SBNO1: variants seen among roughly 807,000 people sequenced by gnomAD.
SBNO1 encodes the protein protein strawberry notch homolog 1.
SBNO1 carries 23 observed loss-of-function variants against 173.6 expected under a neutral mutation model. The ratio of observed to expected loss-of-function variants is 0.13; its 90% CI spans 0.10 to 0.19. The LOEUF (loss-of-function observed/expected upper bound fraction) is 0.19, where lower values mean the gene tolerates loss of function less well. Ranked by LOEUF, SBNO1 falls within the 10% of genes least tolerant of loss-of-function variation. The pLI, the probability that SBNO1 is intolerant of heterozygous loss-of-function variation, is 1.00. For missense variants in SBNO1, 1,238 were observed against 1,671.2 expected (o/e 0.74, Z 4.52); for synonymous variants, 632 against 571.5 (o/e 1.11, Z -1.51).
At chr12:123,363,854 C>T (rs1330090844) in intron 1 of SBNO1, 1 of 985,554 alleles carries the variant, frequency 1.0e-6, no homozygotes, top group East Asian at 1.1e-4. Context: ...AGGGGAGGAG[C>T]TGGATGCCAG....
Position 123,320,685 on chromosome 12 carries a change from T to G in SBNO1, c.2491+14A>C. On this transcript the variant is annotated intron_variant, in intron 18 of 31. Coordinates refer to ENST00000602398, the MANE Select transcript of SBNO1 (RefSeq NM_001167856.3). ...TAAAACAGTATTTCAAAAAGGAAGT[T>G]TCTGTATGGATACCTGGTGTACTGT... The G allele has an allele frequency of 6.3e-7, 1 of 1,595,798 alleles. No homozygotes were observed. The highest frequency in any genetic ancestry group is 8.5e-7 in the Non-Finnish European group (1 of 1,173,492).
chr12:123,359,006 C>T (rs1874800922), intron 1 of SBNO1, among the ~76,000 whole-genome samples: 1 of 151,606 alleles, frequency 6.6e-6, no homozygotes, highest in African/African-American at 2.4e-5. Flanking sequence ...GATCTTGGCT[C>T]ACTGGAAGCT....
intron 21 of SBNO1, among the ~76,000 whole-genome samples, chr12:123,316,518 C>T (rs1172579397): frequency 1.3e-5 from 2 of 151,302 alleles, no homozygotes; most frequent in African/African-American, 4.9e-5. Flanking sequence ...GCCGCTGCGC[C>T]CAGCCTGTTT....
rs1384654598 is a variant in SBNO1 at position 123,290,464 on chromosome 12, GC to G, written c.*5443del. On this transcript the variant is annotated 3_prime_UTR_variant, in exon 32 of 32. Transcript: ENST00000602398. ...AATACCCAATGTCTGCCTCCCGGGT[GC>G]TCAACACCATCATTTTGATGAACCA... The G allele has an allele frequency of 6.6e-6, 1 of 152,138 alleles. No individual in the cohort carries two copies. Among genetic ancestry groups the G allele is most frequent in the Non-Finnish European group, 1.5e-5 (1 of 68,032 alleles). 9.4% of individuals were successfully genotyped at this position (152,138 alleles called of 1,614,324 possible).
chr12:123,303,144 AATAAT>A (rs529070849), intron 29 of SBNO1, among the ~76,000 whole-genome samples: 8 of 152,208 alleles, frequency 5.3e-5, no homozygotes, highest in Non-Finnish European at 8.8e-5. Context: ...GGCTACAAAT[AATAAT>A]ATAAGGTAAT....
chr12:123,302,932 A>T (rs1266384627), intron 29 of SBNO1, 32 bp from the exon 30 acceptor site: 2 of 1,524,006 alleles, frequency 1.3e-6, no homozygotes, highest in Non-Finnish European at 1.8e-6. Context: ...CATTGAAAAC[A>T]GTATTGCTTT....
rs751453571 is a variant in SBNO1 at position 123,295,194 on chromosome 12, G to C, written c.*714C>G. 6.6e-6 allele frequency: 1 copy of C among 152,198 alleles called. No homozygotes were observed. The highest frequency in any genetic ancestry group is 1.5e-5 in the Non-Finnish European group (1 of 68,040). 9.4% of individuals were successfully genotyped at this position (152,198 alleles called of 1,614,324 possible). On this transcript the variant is annotated 3_prime_UTR_variant, in exon 32 of 32. Transcript: ENST00000602398. ...ACCTTGACCAGAAACCCAGGGCAGG[G>C]AGAAGGGGAAGGAGGGGTCTGCAGG...
intron 3 of SBNO1, among the ~76,000 whole-genome samples, chr12:123,346,413 C>T (rs1873148245): frequency 6.6e-6 from 1 of 152,286 alleles, no homozygotes; most frequent in East Asian, 1.9e-4. Context: ...ACTTGTAATC[C>T]CAGCACTTTG....
Position 123,311,122 on chromosome 12 carries a change from T to C in SBNO1, c.3228A>G (p.Arg1076=), listed in dbSNP as rs1427349119. The C allele has an allele frequency of 1.2e-6, 2 of 1,612,608 alleles. No individual in the cohort carries two copies. The highest frequency in any genetic ancestry group is 8.5e-7 in the Non-Finnish European group (1 of 1,178,786). ...TCAGGCCAACGCCTATCAGTCCTTG[T>C]CGAACATCTGTAAGAACAGGATCAA... ...DYPGEFFKDV[R]QGLIGVGLIN... is the part of the protein sequence containing the mutation. The change falls in exon 25 of 32, where the codon CGA becomes CGG. Residue 1076 remains arginine, a synonymous_variant. Coordinates refer to ENST00000602398, the MANE Select transcript of SBNO1 (RefSeq NM_001167856.3).
Position 123,290,221 on chromosome 12 carries a change from T to G in SBNO1, c.*5687A>C, listed in dbSNP as rs1222295048. On this transcript the variant is annotated 3_prime_UTR_variant, in exon 32 of 32. Transcript: ENST00000602398. ...GAGCAAGGAGGGTCTGCGTGGAGGA[T>G]GCACACTGGAGGCAATCTGTGACAG... The G allele has an allele frequency of 6.6e-6, 1 of 152,264 alleles. No individual in the cohort carries two copies. The highest frequency in any genetic ancestry group is 1.5e-5 in the Non-Finnish European group (1 of 68,096). The allele number at this position is 152,264 out of a possible 1,614,324, so 9.4% of individuals were successfully genotyped here.
Position 123,293,412 on chromosome 12 carries a change from G to A in SBNO1, c.*2496C>T, listed in dbSNP as rs1169845802. ...GGACCTTGAATGCTGAAGCTTCACA[G>A]GGCGGCCAAACTAACTCGCTGATTT... On this transcript the variant is annotated 3_prime_UTR_variant, in exon 32 of 32. Transcript: ENST00000602398. 1 of 152,140 alleles carries A rather than the reference G, an allele frequency of 6.6e-6. No individual in the cohort carries two copies. 9.4% of individuals were successfully genotyped at this position (152,140 alleles called of 1,614,324 possible).
rs576195948 is a variant in SBNO1, at chr12:123,348,261, G to C, written c.133-128C>G. The stretch of plus-strand genomic sequence containing the variant: ...AACTGACGTTAAATCACTAACAGCA[G>C]ATTTATAATGTAATAATCTTTGCAA... On this transcript the variant is annotated intron_variant, in intron 2 of 31. Coordinates refer to ENST00000602398, the MANE Select transcript of SBNO1 (RefSeq NM_001167856.3). 2.3e-4 allele frequency: 119 copies of C among 526,838 alleles called. No homozygotes were observed. The Admixed American group carries it at 2.8e-3, about 12-fold the overall frequency. 32.6% of individuals were successfully genotyped at this position (526,838 alleles called of 1,614,324 possible).
In SBNO1 at chr12:123,292,051, C is replaced by G. The variant is rs1246920014; in HGVS notation, c.*3857G>C. On this transcript the variant is annotated 3_prime_UTR_variant, in exon 32 of 32. Coordinates refer to ENST00000602398, the MANE Select transcript of SBNO1 (RefSeq NM_001167856.3). ...TTTTTTTTTTTGCAGTTTTTGCTCTCAGCTGTAGCCCTGACATGAAACGCT... is the reference window on the plus strand; with the variant it reads ...TTTTTTTTTTTGCAGTTTTTGCTCTGAGCTGTAGCCCTGACATGAAACGCT... 1 of 145,928 alleles carries G rather than the reference C, an allele frequency of 6.9e-6. No individual in the cohort carries two copies. The highest frequency in any genetic ancestry group is 2.0e-4 in the East Asian group (1 of 5,050). The allele number at this position is 145,928 out of a possible 1,614,324, so 9.0% of individuals were successfully genotyped here.
At chr12:123,297,812 A>G (rs921243975) in intron 31 of SBNO1, among the ~76,000 whole-genome samples, 166 bp downstream of exon 31, 1 of 152,228 alleles carries the variant, frequency 6.6e-6, no homozygotes, top group Admixed American at 6.5e-5. Flanking sequence ...GTCTGTTTGA[A>G]GGCTTAACTT....
At position 123,312,497 on chromosome 12, in the gene SBNO1, C is replaced by T. The variant is rs144522641; in HGVS notation, c.3220+1123G>A. ...GAGGTTGAGGTGGGAGGATCACATG[C>T]GGCCAGGATTTCAAGACCAGCCTGG... On this transcript the variant is annotated intron_variant, in intron 24 of 31. Transcript: ENST00000602398. Among the ~76,000 whole-genome samples, 90 of 151,998 alleles carry T rather than the reference C, an allele frequency of 5.9e-4. No individual in the cohort carries two copies. The East Asian group carries it at 0.016, about 27-fold the overall frequency.
chr12:123,315,243 A>G, intron 23 of SBNO1, 130 bp downstream of exon 23: 1 of 661,190 alleles, frequency 1.5e-6, no homozygotes, highest in Non-Finnish European at 2.7e-6. Context: ...TCTTATAGGA[A>G]GCCATGATTT....
intron 1 of SBNO1, among the ~76,000 whole-genome samples, chr12:123,362,457 A>G (rs1365994089): frequency 1.4e-5 from 2 of 144,092 alleles, no homozygotes; most frequent in Admixed American, 7.0e-5. Flanking sequence ...AAAAAAAAAA[A>G]AAAAAAAAAA....
intron 1 of SBNO1, among the ~76,000 whole-genome samples, chr12:123,362,304 C>T (rs1593431641): frequency 1.3e-5 from 2 of 151,514 alleles, no homozygotes; most frequent in South Asian, 2.1e-4. Flanking sequence ...GGCGTGGCAG[C>T]GGGCACCTGT....
At chr12:123,337,027 C>A (rs1871932580) in intron 5 of SBNO1, among the ~76,000 whole-genome samples, 1 of 152,166 alleles carries the variant, frequency 6.6e-6, no homozygotes, top group Non-Finnish European at 1.5e-5. Context: ...ACCAAAACCC[C>A]AGAAGACTGG....
Sources: gnomAD v4.1 joint callset for allele counts (sites outside exome capture counted in the v4.1 genomes callset) on GRCh38, gnomAD v4.1.1 for gene constraint, MANE v1.5 for transcripts, NCBI Gene and HGNC (gene_info 2026-07-23, HGNC 2026-07-21) for gene names.